Variants in IRAG1 observed in about 807,000 individuals in gnomAD.
IRAG1 encodes the protein inositol 1,4,5-triphosphate receptor associated 1.
In IRAG1, 62 loss-of-function variants were observed where a neutral mutation model predicts 106.2. The ratio of observed to expected loss-of-function variants is 0.58; its 90% CI spans 0.48 to 0.72. The LOEUF is 0.72. IRAG1 is among the 30% of genes least tolerant of loss of function. The probability of loss-of-function intolerance (pLI) is 0.00; values close to 1 mark genes in which losing one functional copy is unlikely to be tolerated. For synonymous variants in IRAG1, 462 were observed against 443.9 expected (o/e 1.04, Z -0.51); for missense variants, 1,064 against 1,140.7 (o/e 0.93, Z 0.97).
chr11:10,606,868 G>A lies in IRAG1; in HGVS notation c.1572-96C>T. ...ACCAGCAGACCATGTGTTTCCAGGG[G>A]TGGAGTAAGCTGTGTTGGTGAGAAG... On this transcript the variant is annotated intron_variant, in intron 11 of 20. Coordinates refer to ENST00000423302, the MANE Select transcript of IRAG1 (RefSeq NM_130385.4). 6 of 1,201,066 alleles carry A rather than the reference G, an allele frequency of 5.0e-6. No homozygotes were observed. In the East Asian group the frequency reaches 7.9e-5, roughly 16 times the overall value. 74.4% of individuals were successfully genotyped at this position (1,201,066 alleles called of 1,614,324 possible). A position where few individuals can be genotyped will look rare whatever the true frequency, so the allele number is the denominator to read the frequency against.
At chr11:10,692,271 G>C (rs922819892) in intron 1 of IRAG1, among the ~76,000 whole-genome samples, 12 of 152,190 alleles carry the variant, frequency 7.9e-5, no homozygotes, top group Admixed American at 3.9e-4. Context: ...TTGTCCATTA[G>C]GTCAAAAATC....
At chr11:10,660,499 T>C (rs1859308613) in intron 1 of IRAG1, among the ~76,000 whole-genome samples, 1 of 152,096 alleles carries the variant, frequency 6.6e-6, no homozygotes, top group Non-Finnish European at 1.5e-5. Flanking sequence ...AAACACTATG[T>C]ACATATCAGG....
intron 10 of IRAG1, 27 bp from the exon 11 acceptor site, chr11:10,609,878 A>G (rs1372376492): frequency 6.2e-7 from 1 of 1,611,792 alleles, no homozygotes; most frequent in South Asian, 1.1e-5. Flanking sequence ...TACTTATAAA[A>G]TGTCTCTTTG....
chr11:10,692,137 A>G (rs752909217), intron 1 of IRAG1, among the ~76,000 whole-genome samples: 4 of 152,166 alleles, frequency 2.6e-5, no homozygotes, highest in Non-Finnish European at 5.9e-5. Flanking sequence ...CCTTACCTCC[A>G]AGCATAAAGA....
intron 10 of IRAG1, chr11:10,617,152 T>G: frequency 1.0e-6 from 1 of 985,430 alleles, no homozygotes; most frequent in Non-Finnish European, 1.2e-6. Flanking sequence ...TCAGCCTACG[T>G]GTCCCTCAAA....
chr11:10,576,018 A>T lies in IRAG1; in HGVS notation c.*314T>A, dbSNP rs2134036109. ...GCCCCGCTCCTTACCCCCAACCACC[A>T]GTGAAGGTGTTTTAGTTCTCCCCAG... is the stretch of plus-strand genomic sequence containing the variant. On this transcript the variant is annotated 3_prime_UTR_variant, in exon 21 of 21. Transcript: ENST00000423302. 6.0e-6 allele frequency: 2 copies of T among 331,184 alleles called. No individual in the cohort carries two copies. Among genetic ancestry groups the T allele is most frequent in the South Asian group, 8.3e-5 (2 of 24,106 alleles). 20.5% of individuals were successfully genotyped at this position (331,184 alleles called of 1,614,324 possible).
chr11:10,590,620 C>G (rs1046835737), intron 18 of IRAG1, among the ~76,000 whole-genome samples: 1 of 152,206 alleles, frequency 6.6e-6, no homozygotes, highest in Non-Finnish European at 1.5e-5. Flanking sequence ...GGGGAAAATT[C>G]TGAGAGGCAG....
chr11:10,610,539 C>A (rs1357109639), intron 10 of IRAG1, among the ~76,000 whole-genome samples: 1 of 152,206 alleles, frequency 6.6e-6, no homozygotes. Context: ...AGCTCCTGTG[C>A]CTCTCTAAAG....
chr11:10,605,285 C>T (rs183809610), intron 12 of IRAG1, among the ~76,000 whole-genome samples: 25 of 152,312 alleles, frequency 1.6e-4, no homozygotes, highest in Admixed American at 1.6e-3. Context: ...TTACAGCCAT[C>T]ATCTGCCCTG....
rs768422932 is a variant in IRAG1, at chr11:10,631,997, A to G, written c.394T>C (p.Ser132Pro). Reference sequence around the variant, plus strand: ...AGATTGCCCTGGTCCTTACCCACAGATGTCAGGGAGGCAGTGGACACCTTC... The same window carrying G: ...AGATTGCCCTGGTCCTTACCCACAGGTGTCAGGGAGGCAGTGGACACCTTC... ...HLKVSTASLT[S>P]VDPAGHIIDL... The change falls in exon 4 of 21, where the codon TCT (serine) becomes CCT (proline). Residue 132 changes from serine (S) to proline (P), a missense_variant. Transcript: ENST00000423302. 1.2e-6 allele frequency: 2 copies of G among 1,613,578 alleles called. No homozygotes were observed. The highest frequency in any genetic ancestry group is 3.3e-5 in the Admixed American group (2 of 60,014).
intron 19 of IRAG1, among the ~76,000 whole-genome samples, chr11:10,581,375 A>T (rs1385555303): frequency 6.6e-6 from 1 of 152,108 alleles, no homozygotes; most frequent in Non-Finnish European, 1.5e-5. Context: ...TGGTCTCTCC[A>T]GTGCTGACAA....
chr11:10,631,211 G>A (rs968096995), intron 4 of IRAG1, among the ~76,000 whole-genome samples: 3 of 152,120 alleles, frequency 2.0e-5, no homozygotes, highest in Non-Finnish European at 2.9e-5. Flanking sequence ...TTTTTGGTGT[G>A]AGGTAGTTTG....
chr11:10,579,397 A>C (rs933072499), intron 20 of IRAG1, among the ~76,000 whole-genome samples: 2 of 152,200 alleles, frequency 1.3e-5, no homozygotes, highest in African/African-American at 4.8e-5. Flanking sequence ...AGCTGATTAG[A>C]TATTTTGTCT....
chr11:10,599,591 A>C (rs1461119396), intron 15 of IRAG1: 3 of 152,214 alleles, frequency 2.0e-5, no homozygotes, highest in Non-Finnish European at 2.9e-5. Context: ...TCTCCAGGAA[A>C]CTTGTGAAAC....
chr11:10,661,092 G>GA (rs202186376), intron 1 of IRAG1, among the ~76,000 whole-genome samples: 1 of 151,942 alleles, frequency 6.6e-6, no homozygotes, highest in Admixed American at 6.6e-5. Context: ...TTTTACCATG[G>GA]GGGGGCCAGT....
chr11:10,606,765 G>A lies in IRAG1; in HGVS notation c.1579C>T (p.Pro527Ser), dbSNP rs1240661654. Residue 527 changes from proline (P) to serine (S), a missense_variant, in exon 12 of 21, where the codon CCA (proline) becomes TCA (serine). Pro to Ser is a moderately conservative substitution (Grantham distance 74). Coordinates refer to ENST00000423302, the MANE Select transcript of IRAG1 (RefSeq NM_130385.4). ...VHRSLPGSAP[P>S]LTEKEVENVF... ...ACCTCAACTTCCTTTTCAGTGAGTG[G>A]AGGGGCACTGTGAAAAAGAAAACAC... is the stretch of plus-strand genomic sequence containing the variant. 3 of 1,589,954 alleles carry A rather than the reference G, an allele frequency of 1.9e-6. No individual in the cohort carries two copies. The African/African-American group carries it at 4.0e-5, about 21-fold the overall frequency.
intron 3 of IRAG1, among the ~76,000 whole-genome samples, chr11:10,632,650 C>T (rs79686291): frequency 0.054 from 8,221 of 152,282 alleles, 280 homozygotes; most frequent in Admixed American, 0.12. Context: ...GATTTTACAG[C>T]TCTCCAGGTG....
intron 4 of IRAG1, 40 bp downstream of exon 4, chr11:10,631,947 CCTGT>C (rs745330776): frequency 1.3e-6 from 2 of 1,557,998 alleles, no homozygotes; most frequent in African/African-American, 2.7e-5. Flanking sequence ...CGCTGCCAGA[CCTGT>C]CTTTCTACTC....
At chr11:10,591,358 C>T (rs775256316) in intron 18 of IRAG1, among the ~76,000 whole-genome samples, 190 bp downstream of exon 18, 12 of 152,202 alleles carry the variant, frequency 7.9e-5, no homozygotes, top group Non-Finnish European at 1.5e-4. Context: ...TCACTCAGGG[C>T]ATCTTCCTGG....
Sources: allele counts gnomAD v4.1 joint callset (sites outside exome capture counted in the v4.1 genomes callset), GRCh38; gene constraint gnomAD v4.1.1; transcripts MANE v1.5; gene names NCBI Gene and HGNC (gene_info 2026-07-23, HGNC 2026-07-21).